ODR4: variants seen among roughly 807,000 people sequenced by gnomAD.
The protein encoded by ODR4 is protein odr-4 homolog.
ODR4 carries 47 observed loss-of-function variants against 60.2 expected under a neutral mutation model. The ratio of observed to expected loss-of-function variants is 0.78; its 90% CI spans 0.62 to 1.00. ODR4 has a LOEUF of 1.00. ODR4 is among the 50% of genes least tolerant of loss of function. The pLI is 0.00. For synonymous variants in ODR4, 178 were observed against 175.5 expected (o/e 1.01, Z -0.11); for missense variants, 488 against 530.8 (o/e 0.92, Z 0.79).
Position 186,383,108 on chromosome 1 carries a change from T to C in ODR4, c.186T>C (p.Ala62=). The C allele has an allele frequency of 6.4e-7, 1 of 1,559,532 alleles. No individual in the cohort carries two copies. The highest frequency in any genetic ancestry group is 8.7e-7 in the Non-Finnish European group (1 of 1,150,904). Residue 62 remains alanine (A), a synonymous_variant, in exon 3 of 14, where the codon GCT becomes GCC. Transcript: ENST00000287859. ...GTGAGAACCTCAAACATCCCAAAGC[T>C]AAGTTGGATAACTTGGATGAAGAAT... The part of the protein sequence containing the change: ...EQSENLKHPK[A]KLDNLDEEWA...
the ODR4 span, among the ~76,000 whole-genome samples, chr1:186,428,851 T>G: frequency 8.5e-5 from 13 of 152,092 alleles, no homozygotes; most frequent in African/African-American, 3.1e-4. Flanking sequence ...CACACACAAT[T>G]TTATCAATTA....
the ODR4 span, among the ~76,000 whole-genome samples, chr1:186,429,558 AGTCT>A: frequency 6.6e-6 from 1 of 152,190 alleles, no homozygotes; most frequent in African/African-American, 2.4e-5. Flanking sequence ...CCTTAATCGC[AGTCT>A]GTCTTTTACT....
At chr1:186,393,369 C>A (rs1660541392) in intron 8 of ODR4, among the ~76,000 whole-genome samples, 1 of 152,178 alleles carries the variant, frequency 6.6e-6, no homozygotes, top group African/African-American at 2.4e-5. Flanking sequence ...CATCTGATTT[C>A]CAAATTGTAA....
chr1:186,423,992 C>T (rs892604341), downstream of ODR4, among the ~76,000 whole-genome samples: 1 of 152,144 alleles, frequency 6.6e-6, no homozygotes, highest in Admixed American at 6.5e-5. Flanking sequence ...AACTGATAGA[C>T]TCTGAGCTCA....
At chr1:186,385,562 C>T (rs1399012327) in intron 3 of ODR4, among the ~76,000 whole-genome samples, 1 of 151,848 alleles carries the variant, frequency 6.6e-6, no homozygotes, top group African/African-American at 2.4e-5. Context: ...GCCTAGGGAA[C>T]ACCCTGAGTA....
chr1:186,405,845 C>T (rs1373908960), intron 11 of ODR4, among the ~76,000 whole-genome samples: 1 of 152,104 alleles, frequency 6.6e-6, no homozygotes, highest in African/African-American at 2.4e-5. Flanking sequence ...AGCCACCGCG[C>T]CTGGAGATAA....
rs551979341 is a variant in ODR4, at chr1:186,414,338, T to G, written c.1187-3206T>G. On this transcript the variant is annotated intron_variant, in intron 12 of 13. Transcript: ENST00000287859. ...TCTAGAGCATGATCTTCATATGTAA[T>G]AATTCAATATTAAATATATAAGTAA... 1.1e-4 allele frequency among the ~76,000 whole-genome samples: 16 copies of G among 151,680 alleles called. No individual in the cohort carries two copies. In the East Asian group the frequency reaches 2.9e-3, roughly 28 times the overall value.
chr1:186,391,718 A>G lies in ODR4; in HGVS notation c.638A>G (p.Lys213Arg). ...AAGAATGGACTTACACGCTGGGCCAAGGAAATAGAAAATGGTGTTTATTTG... is the reference window on the plus strand; with the variant it reads ...AAGAATGGACTTACACGCTGGGCCAGGGAAATAGAAAATGGTGTTTATTTG... ...NTKNGLTRWA[K>R]EIENGVYLIN... Residue 213 changes from lysine (K) to arginine (R), a missense_variant, in exon 8 of 14, where the codon AAG (lysine) becomes AGG (arginine). Physicochemically the swap from Lys to Arg is conservative, Grantham distance 26. Coordinates refer to ENST00000287859, the MANE Select transcript of ODR4 (RefSeq NM_017847.6). 6.2e-7 allele frequency: 1 copy of G among 1,602,730 alleles called. No individual in the cohort carries two copies. The highest frequency in any genetic ancestry group is 8.5e-7 in the Non-Finnish European group (1 of 1,174,248).
rs1164380182 is a variant in ODR4 at position 186,393,988 on chromosome 1, T to G, written c.753T>G (p.Ser251=). 1 of 1,513,926 alleles carries G rather than the reference T, an allele frequency of 6.6e-7. No individual in the cohort carries two copies. Among genetic ancestry groups the G allele is most frequent in the Admixed American group, 2.1e-5 (1 of 47,868 alleles). 93.8% of individuals were successfully genotyped at this position (1,513,926 alleles called of 1,614,324 possible). ...SRGNTQATSH[S]FDVRVLTQLL... ...GAAATACTCAAGCAACTAGTCATTC[T>G]TTTGATGTCAGAGTGCTAACGCAGT... The change falls in exon 9 of 14, where the codon TCT becomes TCG. Residue 251 remains serine (S), a synonymous_variant. Coordinates refer to ENST00000287859, the MANE Select transcript of ODR4 (RefSeq NM_017847.6).
At chr1:186,433,487 G>A in the ODR4 span, among the ~76,000 whole-genome samples, 34 of 152,170 alleles carry the variant, frequency 2.2e-4, no homozygotes, top group South Asian at 6.2e-4. Context: ...CAGTATACTA[G>A]TTCATTATTA....
chr1:186,425,796 C>T (rs145663811), downstream of ODR4, among the ~76,000 whole-genome samples: 186 of 152,304 alleles, frequency 1.2e-3, no homozygotes, highest in Admixed American at 2.1e-3. Context: ...GGTTTACTAA[C>T]AATTCTTGAT....
At chr1:186,396,758 T>TAG (rs759458714) in intron 9 of ODR4, among the ~76,000 whole-genome samples, 5,888 of 152,084 alleles carry the variant, frequency 0.039, 133 homozygotes, top group African/African-American at 0.044. Flanking sequence ...GATAGATAGA[T>TAG]ATATGTATAT....
downstream of ODR4, among the ~76,000 whole-genome samples, chr1:186,425,504 GCT>G (rs994507778): frequency 2.0e-5 from 3 of 152,072 alleles, no homozygotes; most frequent in Admixed American, 6.5e-5. Context: ...TCTTGACTTT[GCT>G]CTGAGTCATT....
intron 2 of ODR4, among the ~76,000 whole-genome samples, chr1:186,381,893 C>T (rs1558058721): frequency 2.0e-5 from 3 of 152,166 alleles, no homozygotes; most frequent in Non-Finnish European, 4.4e-5. Flanking sequence ...TGAAAATAAC[C>T]TGTAGGAATA....
In ODR4 at chr1:186,399,073, C is replaced by T. The variant is rs150898263; in HGVS notation, c.1000+29C>T. 1,212 of 1,396,892 alleles carry T rather than the reference C, an allele frequency of 8.7e-4. 11 individuals carry two copies. In the African/African-American group the frequency reaches 0.015, roughly 17 times the overall value. 86.5% of individuals were successfully genotyped at this position (1,396,892 alleles called of 1,614,324 possible). The stretch of plus-strand genomic sequence containing the variant: ...TGAGTATAAAATAAGTACTTTTTTG[C>T]GTATCTTCAACTGATATAGTAATAA... On this transcript the variant is annotated intron_variant, in intron 11 of 13. Coordinates refer to ENST00000287859, the MANE Select transcript of ODR4 (RefSeq NM_017847.6).
chr1:186,394,406 A>C (rs897437816), intron 9 of ODR4, among the ~76,000 whole-genome samples: 2 of 152,130 alleles, frequency 1.3e-5, no homozygotes, highest in Non-Finnish European at 2.9e-5. Flanking sequence ...GATTAATTAG[A>C]TTTATACCCC....
At chr1:186,413,441 T>C (rs552393294) in intron 12 of ODR4, among the ~76,000 whole-genome samples, 82 of 152,178 alleles carry the variant, frequency 5.4e-4, no homozygotes, top group Non-Finnish European at 1.0e-3. Flanking sequence ...TTTAAATGAC[T>C]TAAGAGATGA....
intron 11 of ODR4, among the ~76,000 whole-genome samples, chr1:186,402,186 TATTCTTTC>T (rs958070485): frequency 1.1e-4 from 10 of 91,570 alleles, no homozygotes; most frequent in African/African-American, 3.3e-4. Context: ...ATAGGCATCC[TATTCTTTC>T]TTTCTTTCTT....
rs1661718089 is a variant in ODR4 at position 186,419,903 on chromosome 1, G to C, written c.*827G>C. On this transcript the variant is annotated 3_prime_UTR_variant, in exon 14 of 14. Coordinates refer to ENST00000287859, the MANE Select transcript of ODR4 (RefSeq NM_017847.6). ...TACTGTGTGTTTTGTTCTGATCAAG[G>C]GGTAGGGAACCTTTCCAGAGAAGTC... 6.6e-6 allele frequency: 1 copy of C among 152,012 alleles called. No individual in the cohort carries two copies. Among genetic ancestry groups the C allele is most frequent in the African/African-American group, 2.4e-5 (1 of 41,384 alleles). 9.4% of individuals were successfully genotyped at this position (152,012 alleles called of 1,614,324 possible). A position where few individuals can be genotyped will look rare whatever the true frequency, so the allele number is the denominator to read the frequency against.
Sources: gnomAD v4.1 joint callset for allele counts (sites outside exome capture counted in the v4.1 genomes callset) on GRCh38, gnomAD v4.1.1 for gene constraint, MANE v1.5 for transcripts, NCBI Gene and HGNC (gene_info 2026-07-23, HGNC 2026-07-21) for gene names.